SNX9: variants seen among roughly 807,000 people sequenced by gnomAD.
SNX9 encodes the protein sorting nexin 9.
SNX9 carries 44 observed loss-of-function variants against 89.4 expected under a neutral mutation model. The observed-to-expected ratio is 0.49, with a 90% CI of 0.39 to 0.63. The LOEUF (loss-of-function observed/expected upper bound fraction) is 0.63. Ranked by LOEUF, SNX9 falls within the 30% of genes least tolerant of loss-of-function variation. The probability of loss-of-function intolerance (pLI) is 0.00; values close to 1 mark genes in which losing one functional copy is unlikely to be tolerated. For synonymous variants in SNX9, 236 were observed against 247.8 expected (o/e 0.95, Z 0.45); for missense variants, 578 against 736.1 (o/e 0.79, Z 2.49).
At position 157,864,142 on chromosome 6, in the gene SNX9, C is replaced by T. The variant is rs1379983608; in HGVS notation, c.13-3405C>T. 3.9e-4 allele frequency among the ~76,000 whole-genome samples: 60 copies of T among 152,248 alleles called. 1 individual carries two copies. Among genetic ancestry groups the T allele is most frequent in the South Asian group, 4.2e-4 (2 of 4,818 alleles). On this transcript the variant is annotated intron_variant, in intron 1 of 17. Coordinates refer to ENST00000392185, the MANE Select transcript of SNX9 (RefSeq NM_016224.5). ...ATCTAGGTGCTGGCAGGGTAGGGCCCGGCTCTGCTTCCAAGATGGCGCCTT... is the reference window on the plus strand; with the variant it reads ...ATCTAGGTGCTGGCAGGGTAGGGCCTGGCTCTGCTTCCAAGATGGCGCCTT...
intron 2 of SNX9, among the ~76,000 whole-genome samples, chr6:157,870,327 C>G (rs559021169): frequency 6.6e-6 from 1 of 151,378 alleles, no homozygotes; most frequent in African/African-American, 2.4e-5. Context: ...TACTCTCTCA[C>G]CTGCGCTCAC....
chr6:157,865,940 G>C (rs761888379), intron 1 of SNX9, among the ~76,000 whole-genome samples: 5 of 152,152 alleles, frequency 3.3e-5, no homozygotes, highest in Non-Finnish European at 5.9e-5. Context: ...ACTTGAATTT[G>C]CCTTTGAGGA....
In SNX9 at chr6:157,938,701, A is replaced by G; in HGVS notation, c.1602A>G (p.Lys534=). The G allele has an allele frequency of 6.2e-7, 1 of 1,614,136 alleles. No homozygotes were observed. Residue 534 remains lysine (K), a synonymous_variant, in exon 16 of 18, where the codon AAA becomes AAG. Transcript: ENST00000392185. ...CAAGTAAAATCACCCTACAAGACAA[A>G]CAGAACATGGTGAAGAGAGTCAGCA... ...VATSKITLQD[K]QNMVKRVSIM...
chr6:157,862,105 A>G (rs1305845398), intron 1 of SNX9, among the ~76,000 whole-genome samples: 1 of 152,214 alleles, frequency 6.6e-6, no homozygotes, highest in Non-Finnish European at 1.5e-5. Flanking sequence ...GGAATTTTCT[A>G]TTTAATATTT....
intron 10 of SNX9, among the ~76,000 whole-genome samples, chr6:157,926,626 A>G (rs1198962761): frequency 1.3e-5 from 2 of 151,984 alleles, no homozygotes; most frequent in East Asian, 3.9e-4. Context: ...TACAAAAAAT[A>G]CAAAAATTAG....
At chr6:157,921,334 A>G (rs1401638440) in intron 9 of SNX9, among the ~76,000 whole-genome samples, 197 bp from the exon 10 acceptor site, 1 of 152,250 alleles carries the variant, frequency 6.6e-6, no homozygotes. Flanking sequence ...AGTCTGTTGC[A>G]TCTTACCTGT....
chr6:157,923,278 A>G (rs143802999), intron 10 of SNX9, among the ~76,000 whole-genome samples: 229 of 152,312 alleles, frequency 1.5e-3, no homozygotes, highest in African/African-American at 5.3e-3. Context: ...AGAAACTATG[A>G]TTCTGTGGTA....
intron 1 of SNX9, among the ~76,000 whole-genome samples, chr6:157,833,797 G>T (rs941102544): frequency 3.9e-5 from 6 of 152,136 alleles, no homozygotes; most frequent in African/African-American, 1.4e-4. Flanking sequence ...TTTTACAGTT[G>T]TTTTGTTGAT....
chr6:157,845,221 G>T (rs1255735804), intron 1 of SNX9, among the ~76,000 whole-genome samples: 1 of 150,504 alleles, frequency 6.6e-6, no homozygotes, highest in East Asian at 2.0e-4. Context: ...CGATTCTCCT[G>T]CCTCAGCTTT....
intron 1 of SNX9, among the ~76,000 whole-genome samples, chr6:157,864,299 C>T (rs964244043): frequency 3.9e-5 from 6 of 152,150 alleles, no homozygotes; most frequent in African/African-American, 1.4e-4. Context: ...CCTCCGTGAC[C>T]TAAACGCCCC....
chr6:157,868,936 G>A (rs965881820), intron 2 of SNX9, among the ~76,000 whole-genome samples: 1 of 152,186 alleles, frequency 6.6e-6, no homozygotes, highest in South Asian at 2.1e-4. Context: ...ACACTGCAAC[G>A]TGTCTCTTCT....
intron 1 of SNX9, among the ~76,000 whole-genome samples, chr6:157,840,456 C>CT (rs1295594967): frequency 2.7e-5 from 4 of 149,748 alleles, no homozygotes; most frequent in Non-Finnish European, 4.4e-5. Context: ...CCTTTCCTTC[C>CT]TTCCTTCCTT....
At chr6:157,829,766 G>T (rs1781447138) in intron 1 of SNX9, among the ~76,000 whole-genome samples, 1 of 151,894 alleles carries the variant, frequency 6.6e-6, no homozygotes, top group Admixed American at 6.6e-5. Flanking sequence ...ACTAGCTTTT[G>T]GTAAATATTT....
chr6:157,888,304 A>C (rs1782779242), intron 4 of SNX9, among the ~76,000 whole-genome samples: 1 of 152,190 alleles, frequency 6.6e-6, no homozygotes, highest in East Asian at 1.9e-4. Flanking sequence ...CATGATACTT[A>C]ATCCATTCTT....
At position 157,823,814 on chromosome 6, in the gene SNX9, C is replaced by T. The variant is rs1044671922; in HGVS notation, c.12+368C>T. Among the ~76,000 whole-genome samples the T allele has an allele frequency of 2.0e-5, 3 of 151,968 alleles. No homozygotes were observed. Among genetic ancestry groups the T allele is most frequent in the African/African-American group, 7.2e-5 (3 of 41,422 alleles). ...GGGGAGGCCCCCGAGGCGACTGGCG[C>T]TCTGTGGCGTCCGGCGTCCCCGCCG... is the stretch of plus-strand genomic sequence containing the variant. On this transcript the variant is annotated intron_variant, in intron 1 of 17. Coordinates refer to ENST00000392185, the MANE Select transcript of SNX9 (RefSeq NM_016224.5). The surrounding 1 kb of genome is among the most constrained non-coding windows in gnomAD (Gnocchi z 4.6).
At chr6:157,869,340 CAG>C (rs1782341119) in intron 2 of SNX9, among the ~76,000 whole-genome samples, 1 of 152,202 alleles carries the variant, frequency 6.6e-6, no homozygotes, top group South Asian at 2.1e-4. Flanking sequence ...GCTCCAGCCT[CAG>C]AGGAGGCCAG....
chr6:157,889,430 CAAAAA>C (rs56303673), intron 4 of SNX9, among the ~76,000 whole-genome samples: 5 of 58,498 alleles, frequency 8.5e-5, no homozygotes, highest in African/African-American at 1.5e-4. Flanking sequence ...GACCCTGTCT[CAAAAA>C]AAAAAAAAAA....
chr6:157,871,096 C>T (rs147863513), intron 2 of SNX9, among the ~76,000 whole-genome samples: 4 of 152,332 alleles, frequency 2.6e-5, no homozygotes, highest in East Asian at 1.9e-4. Flanking sequence ...AAAAAAGAAT[C>T]GGCCAGGTGC....
At chr6:157,942,320 C>T (rs937844521) in intron 17 of SNX9, among the ~76,000 whole-genome samples, 2 of 152,194 alleles carry the variant, frequency 1.3e-5, no homozygotes, top group Non-Finnish European at 2.9e-5. Context: ...GAGGCCCTGG[C>T]GCAGAGACCA....
Sources: allele counts gnomAD v4.1 joint callset (sites outside exome capture counted in the v4.1 genomes callset), GRCh38; gene constraint gnomAD v4.1.1; non-coding constraint Gnocchi (gnomAD v3.1); transcripts MANE v1.5; gene names NCBI Gene and HGNC (gene_info 2026-07-23, HGNC 2026-07-21).